The following GP6 variants were observed in gnomAD, a reference collection of about 807,000 sequenced individuals.
GP6 encodes the protein platelet glycoprotein VI.
Under a neutral mutation model 37.3 loss-of-function variants are expected in GP6, and 45 were observed. The ratio of observed to expected loss-of-function variants is 1.21; its 90% CI spans 0.95 to 1.55. GP6 has a LOEUF of 1.55. GP6 is among the 40% of genes most tolerant of loss of function. The probability of loss-of-function intolerance (pLI) is 0.00; values close to 1 mark genes in which losing one functional copy is unlikely to be tolerated. For missense variants in GP6, 813 were observed against 760.2 expected (o/e 1.07, Z -0.82); for synonymous variants, 340 against 316.4 (o/e 1.07, Z -0.79).
chr19:55,032,470 T>A, intron 2 of GP6, 36 bp downstream of exon 2: 1 of 1,613,582 alleles, frequency 6.2e-7, no homozygotes. Flanking sequence ...CGCTGGCGGA[T>A]CCCGCAGGAG....
At position 55,015,564 on chromosome 19, in the gene GP6, TTACTC is replaced by T. The variant is rs3217394; in HGVS notation, c.779+110_779+114del. The T allele has an allele frequency of 0.17, 124,454 of 750,394 alleles. 12,515 individuals are homozygous for T. The highest frequency in any genetic ancestry group is 0.22 in the Non-Finnish European group (88,327 of 409,788). The allele number at this position is 750,394 out of a possible 1,614,324, so 46.5% of individuals were successfully genotyped here. On this transcript the variant is annotated intron_variant, in intron 7 of 7. Coordinates refer to ENST00000310373, the MANE Select transcript of GP6 (RefSeq NM_001083899.2). ...AACCCCATACGCTGATATTCTGCCT[TTACTC>T]TACACACTGGAACCCAAGATCTGAG...
At chr19:55,017,539 A>T (rs893817449) in intron 6 of GP6, among the ~76,000 whole-genome samples, 2 of 152,122 alleles carry the variant, frequency 1.3e-5, no homozygotes, top group Non-Finnish European at 2.9e-5. Context: ...GAAAAGGCAG[A>T]GTGAGTGGGT....
Position 55,029,343 on chromosome 19 carries a change from TATATATATATATATATATATATATATA to T in GP6, c.326-1508_326-1482del, listed in dbSNP as rs2074448466. ...ATATATATATATATATATATATATA[TATATATATATATATATATATATATATA>T]TATATTTTTTTTTTTTTTTTTTTTT... On this transcript the variant is annotated intron_variant, in intron 3 of 7. Transcript: ENST00000310373. 4.5e-3 allele frequency among the ~76,000 whole-genome samples: 13 copies of T among 2,914 alleles called. 1 individual carries two copies. Among genetic ancestry groups the T allele is most frequent in the African/African-American group, 9.3e-3 (8 of 860 alleles). The allele number at this position is 2,914 out of a possible 152,430, so 1.9% of individuals were successfully genotyped here. A position where few individuals can be genotyped will look rare whatever the true frequency, so the allele number is the denominator to read the frequency against.
chr19:55,016,521 G>A (rs1483736372), intron 6 of GP6, among the ~76,000 whole-genome samples: 7 of 151,700 alleles, frequency 4.6e-5, no homozygotes, highest in East Asian at 4.0e-4. Context: ...GACTACAGGC[G>A]TCCGCCACCA....
At chr19:55,024,342 G>GCA (rs1568613398) in intron 5 of GP6, among the ~76,000 whole-genome samples, 9 of 17,914 alleles carry the variant, frequency 5.0e-4, no homozygotes, top group African/African-American at 6.4e-4. Flanking sequence ...ACGCACACAC[G>GCA]CACATGCACG....
chr19:55,033,409 G>T (rs868259536), intron 1 of GP6, among the ~76,000 whole-genome samples: 6 of 126,158 alleles, frequency 4.8e-5, no homozygotes, highest in Admixed American at 9.3e-5. Flanking sequence ...TAGACACGGT[G>T]GGCTCGTTCG....
intron 7 of GP6, 114 bp downstream of exon 7, chr19:55,015,569 C>G (rs202092527): frequency 7.5e-6 from 4 of 533,226 alleles, no homozygotes; most frequent in African/African-American, 1.8e-5. Flanking sequence ...TGCCTTTACT[C>G]TACACACTGG....
rs149455292 is a variant in GP6, at chr19:55,023,540, T to C, written c.664+1678A>G. ...CCCAACTCTCTCTCTCTCTTGCTCCTGCTCCCACCACATGAGACAGCTACC... is the reference window on the plus strand; with the variant it reads ...CCCAACTCTCTCTCTCTCTTGCTCCCGCTCCCACCACATGAGACAGCTACC... On this transcript the variant is annotated intron_variant, in intron 5 of 7. Coordinates refer to ENST00000310373, the MANE Select transcript of GP6 (RefSeq NM_001083899.2). 9.9e-3 allele frequency among the ~76,000 whole-genome samples: 1,501 copies of C among 152,278 alleles called. 68 individuals carry two copies. The highest frequency in any genetic ancestry group is 0.084 in the Admixed American group (1,283 of 15,282).
chr19:55,017,053 A>G (rs1041103037), intron 6 of GP6, among the ~76,000 whole-genome samples: 1 of 151,876 alleles, frequency 6.6e-6, no homozygotes, highest in African/African-American at 2.4e-5. Context: ...ACAAAAAACA[A>G]AAAAACCATA....
chr19:55,019,827 G>C (rs1052147701), intron 5 of GP6, among the ~76,000 whole-genome samples: 2 of 151,706 alleles, frequency 1.3e-5, no homozygotes, highest in Admixed American at 6.6e-5. Context: ...ACAGGCACCC[G>C]CCACCACGCC....
intron 1 of GP6, among the ~76,000 whole-genome samples, chr19:55,033,712 T>TTC (rs2074701635): frequency 6.6e-6 from 1 of 152,210 alleles, no homozygotes; most frequent in Non-Finnish European, 1.5e-5. Flanking sequence ...GTAAATACTA[T>TTC]TGCATATTGT....
At chr19:55,031,010 C>A (rs1008610086) in intron 3 of GP6, among the ~76,000 whole-genome samples, 1 of 151,770 alleles carries the variant, frequency 6.6e-6, no homozygotes, top group African/African-American at 2.4e-5. Context: ...CACCATGCCC[C>A]ACTAATTTTT....
At chr19:55,019,719 C>T (rs113397595) in intron 5 of GP6, among the ~76,000 whole-genome samples, 3,674 of 140,490 alleles carry the variant, frequency 0.026, 160 homozygotes, top group African/African-American at 0.091. Flanking sequence ...ACTCTGTCGT[C>T]CAGGCTGGAG....
chr19:55,023,819 T>C (rs985471768), intron 5 of GP6, among the ~76,000 whole-genome samples: 1 of 152,014 alleles, frequency 6.6e-6, no homozygotes, highest in Non-Finnish European at 1.5e-5. Context: ...TTGCACTGAG[T>C]GACAAAAGGA....
chr19:55,019,315 T>G (rs1338743434), intron 5 of GP6, among the ~76,000 whole-genome samples: 1 of 151,956 alleles, frequency 6.6e-6, no homozygotes, highest in Non-Finnish European at 1.5e-5. Flanking sequence ...TTCACCATGT[T>G]GGCCAGGATG....
chr19:55,022,829 A>G (rs560512584), intron 5 of GP6, among the ~76,000 whole-genome samples: 78 of 152,346 alleles, frequency 5.1e-4, no homozygotes, highest in African/African-American at 1.8e-3. Flanking sequence ...TTCAAGGAGA[A>G]CTACAATTCA....
intron 1 of GP6, among the ~76,000 whole-genome samples, chr19:55,034,126 G>GTGTA (rs2074724468): frequency 2.4e-5 from 1 of 42,516 alleles, no homozygotes; most frequent in Non-Finnish European, 5.6e-5. Flanking sequence ...ACGTGTATAT[G>GTGTA]TATGTATATG....
intron 4 of GP6, among the ~76,000 whole-genome samples, chr19:55,026,602 G>C (rs1342971337): frequency 6.6e-6 from 1 of 151,646 alleles, no homozygotes; most frequent in Non-Finnish European, 1.5e-5. Context: ...TTTAAGAATG[G>C]TAGTCAAGTC....
chr19:55,020,223 T>C (rs1358688116), intron 5 of GP6, among the ~76,000 whole-genome samples: 1 of 148,414 alleles, frequency 6.7e-6, no homozygotes, highest in Non-Finnish European at 1.5e-5. Flanking sequence ...TTTTTTTCAA[T>C]TAAAATTTCA....
Sources: gnomAD v4.1 joint callset for allele counts (sites outside exome capture counted in the v4.1 genomes callset) on GRCh38, gnomAD v4.1.1 for gene constraint, MANE v1.5 for transcripts, NCBI Gene and HGNC (gene_info 2026-07-23, HGNC 2026-07-21) for gene names.